Variants in STK33 observed in about 807,000 individuals in gnomAD.
STK33 encodes the protein serine/threonine-protein kinase 33.
STK33 carries 52 observed loss-of-function variants against 58.0 expected under a neutral mutation model. The observed-to-expected ratio is 0.90, with a 90% CI of 0.72 to 1.13. The LOEUF is 1.13. Among genes scored for constraint, STK33 ranks in the 50% most tolerant of loss-of-function variants. The pLI, the probability that STK33 is intolerant of heterozygous loss-of-function variation, is 0.00. For synonymous variants in STK33, 215 were observed against 200.1 expected (o/e 1.07, Z -0.63); for missense variants, 630 against 604.2 (o/e 1.04, Z -0.45).
intron 1 of STK33, among the ~76,000 whole-genome samples, chr11:8,576,926 G>A (rs1251458593): frequency 6.6e-6 from 1 of 152,128 alleles, no homozygotes; most frequent in Non-Finnish European, 1.5e-5. Context: ...AGACATGAAA[G>A]AATTGCTCTA....
At chr11:8,405,057 AC>A (rs1938857759) in intron 15 of STK33, among the ~76,000 whole-genome samples, 1 of 152,068 alleles carries the variant, frequency 6.6e-6, no homozygotes, top group African/African-American at 2.4e-5. Context: ...AATTGCTTGA[AC>A]CCAGGAAGCG....
At chr11:8,409,271 A>T (rs912269110) in intron 15 of STK33, among the ~76,000 whole-genome samples, 2 of 152,152 alleles carry the variant, frequency 1.3e-5, no homozygotes, top group Admixed American at 6.5e-5. Flanking sequence ...CTGAATTCAG[A>T]TCTGTTCCAC....
At chr11:8,335,493 C>T in the STK33 span, among the ~76,000 whole-genome samples, 4 of 152,188 alleles carry the variant, frequency 2.6e-5, no homozygotes, top group Admixed American at 2.0e-4. Flanking sequence ...CTTCTTGAGG[C>T]AAGTCTGGTC....
the STK33 span, among the ~76,000 whole-genome samples, chr11:8,343,804 G>T: frequency 1.3e-5 from 2 of 151,998 alleles, no homozygotes; most frequent in Non-Finnish European, 2.9e-5. Flanking sequence ...CTTAGCCCTC[G>T]AGGGCAGTGC....
chr11:8,525,304 A>C (rs1286031801), intron 1 of STK33, among the ~76,000 whole-genome samples: 1 of 152,232 alleles, frequency 6.6e-6, no homozygotes, highest in Non-Finnish European at 1.5e-5. Flanking sequence ...AGGATAGCCA[A>C]AGACAATCTT....
intron 9 of STK33, among the ~76,000 whole-genome samples, chr11:8,455,203 G>A (rs1012059622): frequency 1.3e-5 from 2 of 152,122 alleles, no homozygotes; most frequent in African/African-American, 4.8e-5. Context: ...TCAAATACAG[G>A]ATTACTTCTT....
chr11:8,436,588 G>T (rs1944094678), intron 12 of STK33, among the ~76,000 whole-genome samples: 1 of 152,184 alleles, frequency 6.6e-6, no homozygotes, highest in African/African-American at 2.4e-5. Flanking sequence ...TGAGTTATCA[G>T]GGTCTAACTA....
chr11:8,567,934 C>A (rs1957555069), intron 1 of STK33, among the ~76,000 whole-genome samples: 2 of 152,134 alleles, frequency 1.3e-5, no homozygotes, highest in Admixed American at 1.3e-4. Flanking sequence ...ACGGCTTCTA[C>A]AGCAATATAT....
chr11:8,465,078 A>T, intron 6 of STK33: 1 of 265,884 alleles, frequency 3.8e-6, no homozygotes, highest in Non-Finnish European at 7.0e-6. Context: ...GGAAAAACTC[A>T]AAAGTATAAA....
chr11:8,478,384 G>T (rs1342868420), intron 2 of STK33, among the ~76,000 whole-genome samples: 1 of 152,070 alleles, frequency 6.6e-6, no homozygotes, highest in African/African-American at 2.4e-5. Context: ...ATAGGTACTG[G>T]ACATAATATA....
chr11:8,446,291 T>A (rs1945453114), intron 11 of STK33, among the ~76,000 whole-genome samples: 1 of 152,004 alleles, frequency 6.6e-6, no homozygotes, highest in African/African-American at 2.4e-5. Context: ...GTCTGGCTAG[T>A]AGTCTATATA....
chr11:8,531,140 A>T (rs566666257), intron 1 of STK33, among the ~76,000 whole-genome samples: 2 of 152,224 alleles, frequency 1.3e-5, no homozygotes, highest in African/African-American at 4.8e-5. Context: ...TAAACATCTC[A>T]AATTGTAAAA....
intron 1 of STK33, among the ~76,000 whole-genome samples, chr11:8,483,430 C>T (rs973718767): frequency 6.6e-6 from 1 of 152,070 alleles, no homozygotes; most frequent in Non-Finnish European, 1.5e-5. Context: ...AGAATAGGCA[C>T]AAAAGATGGA....
the STK33 span, among the ~76,000 whole-genome samples, chr11:8,361,937 T>G: frequency 6.6e-6 from 1 of 152,206 alleles, no homozygotes; most frequent in Non-Finnish European, 1.5e-5. This position sits in a 1 kb window ranked among gnomAD's most constrained non-coding sequence, Gnocchi z 4.8. Flanking sequence ...TTGGCCACTC[T>G]GCTTCTTTCT....
intron 8 of STK33, 76 bp from the exon 9 acceptor site, chr11:8,457,555 T>G: frequency 1.6e-6 from 2 of 1,218,984 alleles, no homozygotes; most frequent in Non-Finnish European, 2.3e-6. Flanking sequence ...ATATCACATA[T>G]ACAATCACAG....
intron 1 of STK33, among the ~76,000 whole-genome samples, chr11:8,592,323 C>T (rs969705792): frequency 1.3e-5 from 2 of 152,156 alleles, no homozygotes; most frequent in African/African-American, 2.4e-5. Flanking sequence ...AAAACTAAGA[C>T]TCCAATACAA....
chr11:8,404,694 A>G (rs1344782252), intron 15 of STK33, among the ~76,000 whole-genome samples: 3 of 152,216 alleles, frequency 2.0e-5, no homozygotes, highest in South Asian at 2.1e-4. Flanking sequence ...GTATGGATGT[A>G]CCACAATTTG....
intron 11 of STK33, among the ~76,000 whole-genome samples, chr11:8,452,300 A>G (rs75980963): frequency 0.019 from 2,912 of 152,306 alleles, 87 homozygotes; most frequent in African/African-American, 0.066. Flanking sequence ...AGAGATATAA[A>G]CAACTTTAAG....
At chr11:8,403,612 G>A (rs1384445197) in intron 15 of STK33, among the ~76,000 whole-genome samples, 1 of 152,198 alleles carries the variant, frequency 6.6e-6, no homozygotes, top group Non-Finnish European at 1.5e-5. Context: ...TGGGACAGTT[G>A]AAGAATAGTC....
Sources: allele counts gnomAD v4.1 joint callset (sites outside exome capture counted in the v4.1 genomes callset), GRCh38; gene constraint gnomAD v4.1.1; non-coding constraint Gnocchi (gnomAD v3.1); transcripts MANE v1.5; gene names NCBI Gene and HGNC (gene_info 2026-07-23, HGNC 2026-07-21).